ESCO1: variants seen among roughly 807,000 people sequenced by gnomAD.
ESCO1 encodes the protein establishment of sister chromatid cohesion N-acetyltransferase 1, also known as N-acetyltransferase ESCO1.
In ESCO1, 33 loss-of-function variants were observed where a neutral mutation model predicts 83.5. The ratio of observed to expected loss-of-function variants is 0.40; its 90% CI spans 0.30 to 0.53. The LOEUF (loss-of-function observed/expected upper bound fraction) is 0.53. ESCO1 is among the 20% of genes least tolerant of loss of function. ESCO1 has a pLI of 0.63. For missense variants in ESCO1, 855 were observed against 968.0 expected (o/e 0.88, Z 1.55); for synonymous variants, 332 against 324.3 (o/e 1.02, Z -0.25).
At chr18:21,536,784 G>C (rs2037843658) in intron 9 of ESCO1, among the ~76,000 whole-genome samples, 1 of 152,008 alleles carries the variant, frequency 6.6e-6, no homozygotes. Context: ...CCTATTAGAA[G>C]CATCTAATCT....
At chr18:21,548,432 C>T (rs938611333) in intron 8 of ESCO1, among the ~76,000 whole-genome samples, 2 of 151,418 alleles carry the variant, frequency 1.3e-5, no homozygotes, top group Non-Finnish European at 2.9e-5. Flanking sequence ...GAGGTTGAGG[C>T]TGCAATGAGC....
chr18:21,572,443 T>C (rs2038353636), intron 4 of ESCO1, among the ~76,000 whole-genome samples: 3 of 152,206 alleles, frequency 2.0e-5, no homozygotes, highest in South Asian at 4.1e-4. Flanking sequence ...AGATACAAGA[T>C]TCTGGTTTTC....
At chr18:21,530,742 A>G (rs2037757598) in intron 11 of ESCO1, among the ~76,000 whole-genome samples, 3 of 152,186 alleles carry the variant, frequency 2.0e-5, no homozygotes, top group South Asian at 4.1e-4. Flanking sequence ...AAAATATTCA[A>G]CTAAGAGTAG....
At chr18:21,560,084 G>A (rs1269213081) in intron 8 of ESCO1, among the ~76,000 whole-genome samples, 1 of 151,906 alleles carries the variant, frequency 6.6e-6, no homozygotes, top group Non-Finnish European at 1.5e-5. Flanking sequence ...TATCCTGGAG[G>A]TCTTATTAAC....
intron 1 of ESCO1, among the ~76,000 whole-genome samples, chr18:21,598,844 T>C (rs2038800745): frequency 6.6e-6 from 1 of 152,132 alleles, no homozygotes; most frequent in Admixed American, 6.6e-5. Flanking sequence ...GAATTGTGCT[T>C]CCAAAGTCAC....
chr18:21,581,979 T>C (rs2038509021), intron 2 of ESCO1, among the ~76,000 whole-genome samples: 2 of 151,780 alleles, frequency 1.3e-5, no homozygotes, highest in African/African-American at 4.8e-5. Flanking sequence ...TCCCAGCTAT[T>C]CAGGAAGCTG....
rs2038832438 is a variant in ESCO1 at position 21,600,658 on chromosome 18, A to G, written c.-860T>C. 1.3e-5 allele frequency: 2 copies of G among 152,256 alleles called. No individual in the cohort carries two copies. Among genetic ancestry groups the G allele is most frequent in the African/African-American group, 4.8e-5 (2 of 41,468 alleles). The allele number at this position is 152,256 out of a possible 1,614,324, so 9.4% of individuals were successfully genotyped here. A position where few individuals can be genotyped will look rare whatever the true frequency, so the allele number is the denominator to read the frequency against. On this transcript the variant is annotated 5_prime_UTR_variant, in exon 1 of 12. Transcript: ENST00000269214. ...CCTGGCGGAGGGTCAGACTAGCGCC[A>G]GCGGATCGCCTCACATCCGGGTATC... is the stretch of plus-strand genomic sequence containing the variant.
chr18:21,570,912 G>C (rs146713214), intron 4 of ESCO1, among the ~76,000 whole-genome samples: 3,150 of 151,328 alleles, frequency 0.021, 117 homozygotes, highest in African/African-American at 0.072. Flanking sequence ...AGGAGGCGGA[G>C]CCTGCAGTGA....
chr18:21,543,312 G>A (rs903824055), intron 8 of ESCO1, among the ~76,000 whole-genome samples: 60 of 152,084 alleles, frequency 3.9e-4, no homozygotes, highest in African/African-American at 1.4e-3. Context: ...GTGCCACCAC[G>A]CCGAGCTGAT....
intron 8 of ESCO1, among the ~76,000 whole-genome samples, chr18:21,544,524 G>A (rs994287762): frequency 1.6e-4 from 24 of 151,762 alleles, no homozygotes; most frequent in Non-Finnish European, 2.5e-4. Context: ...AGCTACTTGG[G>A]AGGCTGAGGC....
chr18:21,550,300 T>C (rs555232629), intron 8 of ESCO1, among the ~76,000 whole-genome samples: 4 of 152,356 alleles, frequency 2.6e-5, no homozygotes, highest in Admixed American at 2.6e-4. Context: ...AGTTATTATT[T>C]AGTTAACTGA....
intron 2 of ESCO1, among the ~76,000 whole-genome samples, chr18:21,578,993 T>C (rs560302196): frequency 2.0e-5 from 3 of 152,278 alleles, no homozygotes; most frequent in Non-Finnish European, 4.4e-5. Flanking sequence ...CCTGAGTAGC[T>C]GGGATTACAG....
intron 4 of ESCO1, among the ~76,000 whole-genome samples, chr18:21,571,884 T>C (rs1329452695): frequency 2.0e-5 from 3 of 152,246 alleles, no homozygotes; most frequent in Non-Finnish European, 4.4e-5. Context: ...GATGCTTGCA[T>C]TCCTGTCTAT....
intron 2 of ESCO1, among the ~76,000 whole-genome samples, chr18:21,582,554 G>T (rs530807208): frequency 6.6e-6 from 1 of 152,110 alleles, no homozygotes; most frequent in African/African-American, 2.4e-5. Flanking sequence ...TTGTTTTCAC[G>T]TGAGAAAGGC....
rs560695470 is a variant in ESCO1 at position 21,574,127 on chromosome 18, A to G, written c.717T>C (p.Pro239=). The change falls in exon 4 of 12, where the codon CCT becomes CCC. Residue 239 remains proline (P), a synonymous_variant. Coordinates refer to ENST00000269214, the MANE Select transcript of ESCO1 (RefSeq NM_052911.3). The stretch of plus-strand genomic sequence containing the variant: ...TTTTCACCTCAGAAGTTACAGGCAC[A>G]GGTTTCGTTTCGTCTCTTCTAGTAG... ...QKTTRRDETK[P]VPVTSEVKRS... 1.9e-6 allele frequency: 3 copies of G among 1,613,710 alleles called. No individual in the cohort carries two copies. The highest frequency in any genetic ancestry group is 1.7e-5 in the Admixed American group (1 of 59,986).
chr18:21,564,061 G>T, intron 7 of ESCO1, 142 bp downstream of exon 7: 1 of 597,958 alleles, frequency 1.7e-6, no homozygotes, highest in East Asian at 3.1e-5. Context: ...ACCAGATGCA[G>T]ATGTCAGGCC....
At chr18:21,600,408 T>C (rs751070596) in intron 1 of ESCO1, among the ~76,000 whole-genome samples, 6 of 152,328 alleles carry the variant, frequency 3.9e-5, no homozygotes, top group Non-Finnish European at 7.4e-5. Flanking sequence ...GCACGTTAGC[T>C]GCCTACCTCA....
chr18:21,594,929 G>C (rs1203210233), intron 1 of ESCO1, among the ~76,000 whole-genome samples: 2 of 87,876 alleles, frequency 2.3e-5, no homozygotes, highest in East Asian at 5.3e-4. Flanking sequence ...CAACTACTGT[G>C]TGTGTGTGTG....
intron 8 of ESCO1, among the ~76,000 whole-genome samples, chr18:21,548,955 AG>A (rs1315041090): frequency 1.3e-5 from 2 of 151,066 alleles, no homozygotes; most frequent in African/African-American, 4.9e-5. Flanking sequence ...AAAAAAAAAG[AG>A]GCAAGAAATA....
Sources: gnomAD v4.1 joint callset for allele counts (sites outside exome capture counted in the v4.1 genomes callset) on GRCh38, gnomAD v4.1.1 for gene constraint, MANE v1.5 for transcripts, NCBI Gene and HGNC (gene_info 2026-07-23, HGNC 2026-07-21) for gene names.